Variants in ABRAXAS2 observed in about 807,000 individuals in gnomAD.
ABRAXAS2 encodes the protein abraxas 2, BRISC complex subunit.
A neutral mutation model predicts 49.0 loss-of-function variants in ABRAXAS2; 23 were observed. That is an observed-to-expected ratio of 0.47 (90% CI 0.34 to 0.66). The LOEUF (loss-of-function observed/expected upper bound fraction) is 0.66. Among genes scored for constraint, ABRAXAS2 ranks in the 30% least tolerant of loss-of-function variants. ABRAXAS2 has a pLI of 0.01. For missense variants in ABRAXAS2, 443 were observed against 511.9 expected (o/e 0.87, Z 1.30); for synonymous variants, 168 against 180.2 (o/e 0.93, Z 0.54).
chr10:124,815,725 C>T (rs1354641718), intron 2 of ABRAXAS2, among the ~76,000 whole-genome samples: 2 of 152,066 alleles, frequency 1.3e-5, no homozygotes, highest in African/African-American at 4.8e-5. Context: ...ACGATCTACC[C>T]TGTAATGATT....
At chr10:124,833,391 A>T (rs1383401404) in intron 8 of ABRAXAS2, among the ~76,000 whole-genome samples, 2 of 151,272 alleles carry the variant, frequency 1.3e-5, no homozygotes, top group African/African-American at 4.9e-5. Context: ...CCTGAGCCTG[A>T]CAGGTCAAGG....
chr10:124,831,166 G>T (rs1485940471), intron 7 of ABRAXAS2, among the ~76,000 whole-genome samples, 183 bp from the exon 8 acceptor site: 3 of 152,122 alleles, frequency 2.0e-5, no homozygotes, highest in Non-Finnish European at 4.4e-5. Flanking sequence ...TAAAATTAAA[G>T]CAAATCAGTG....
In ABRAXAS2 at chr10:124,819,470, C is replaced by T; in HGVS notation, c.267+20C>T. On this transcript the variant is annotated intron_variant, in intron 4 of 8. Coordinates refer to ENST00000298492, the MANE Select transcript of ABRAXAS2 (RefSeq NM_032182.4). ...AGAAAGGTATGTTCTGTTTGTTGCCCAGTATGATTCTGAAATCGTTCCTTA... is the reference window on the plus strand; with the variant it reads ...AGAAAGGTATGTTCTGTTTGTTGCCTAGTATGATTCTGAAATCGTTCCTTA... 1 of 1,606,480 alleles carries T rather than the reference C, an allele frequency of 6.2e-7. No homozygotes were observed. Among genetic ancestry groups the T allele is most frequent in the East Asian group, 2.2e-5 (1 of 44,812 alleles).
chr10:124,824,576 A>AG (rs2134168966), intron 4 of ABRAXAS2, among the ~76,000 whole-genome samples: 1 of 152,248 alleles, frequency 6.6e-6, no homozygotes, highest in South Asian at 2.1e-4. Context: ...AGGAAAAAAA[A>AG]TGAAATAAAA....
At position 124,813,810 on chromosome 10, in the gene ABRAXAS2, A is replaced by G. The variant is rs1044686090; in HGVS notation, c.164-2766A>G. Among the ~76,000 whole-genome samples the G allele has an allele frequency of 2.1e-4, 32 of 152,332 alleles. 1 individual carries two copies. The highest frequency in any genetic ancestry group is 1.6e-3 in the Admixed American group (24 of 15,294). Reference sequence around the variant, plus strand: ...AAATTTGAAAGAAACTGCTTTGGTAACAGTGCACATTCAGAGTTCAGAACT... The same window carrying G: ...AAATTTGAAAGAAACTGCTTTGGTAGCAGTGCACATTCAGAGTTCAGAACT... On this transcript the variant is annotated intron_variant, in intron 2 of 8. Coordinates refer to ENST00000298492, the MANE Select transcript of ABRAXAS2 (RefSeq NM_032182.4).
intron 2 of ABRAXAS2, among the ~76,000 whole-genome samples, chr10:124,809,377 C>T (rs985174899): frequency 1.3e-5 from 2 of 152,056 alleles, no homozygotes; most frequent in Non-Finnish European, 2.9e-5. Flanking sequence ...CTCCGCATCC[C>T]GGGTTCAAGC....
chr10:124,806,988 G>T, intron 2 of ABRAXAS2, 67 bp downstream of exon 2: 1 of 1,252,040 alleles, frequency 8.0e-7, no homozygotes, highest in Non-Finnish European at 1.2e-6. Context: ...TTGTTTTGTT[G>T]TTTTGCCCTT....
intron 8 of ABRAXAS2, among the ~76,000 whole-genome samples, 183 bp downstream of exon 8, chr10:124,831,646 C>T (rs986634413): frequency 6.6e-6 from 1 of 151,976 alleles, no homozygotes; most frequent in African/African-American, 2.4e-5. Flanking sequence ...TCATAGTAGC[C>T]CCCTCAATTC....
Position 124,829,390 on chromosome 10 carries a change from C to T in ABRAXAS2, c.579-3C>T. On this transcript the variant is annotated splice_polypyrimidine_tract_variant and splice_region_variant and intron_variant, in intron 6 of 8. Coordinates refer to ENST00000298492, the MANE Select transcript of ABRAXAS2 (RefSeq NM_032182.4). ...AGGCATCTTTTTTCTGTTTGTCTTC[C>T]AGTACTGACTTTTTTGACAAGGATG... 3.1e-6 allele frequency: 5 copies of T among 1,600,824 alleles called. No individual in the cohort carries two copies. Among genetic ancestry groups the T allele is most frequent in the Non-Finnish European group, 4.3e-6 (5 of 1,170,610 alleles).
In ABRAXAS2 at chr10:124,829,460, C is replaced by G. The variant is rs576780341; in HGVS notation, c.646C>G (p.Leu216Val). The change falls in exon 7 of 9, where the codon CTT (leucine) becomes GTT (valine). Residue 216 changes from leucine (L) to valine (V), a missense_variant. Physicochemically the swap from Leu to Val is conservative, Grantham distance 32. Around this residue, in one of 3 missense-constraint regions of ABRAXAS2, gnomAD observed 166 missense variants for 247.3 expected, o/e 0.67. Transcript: ENST00000298492. ...GGCGATTTATCAGGTTTATAATGCACTTCAGGAGAAAGTTCAGGTAACTGA... is the reference window on the plus strand; with the variant it reads ...GGCGATTTATCAGGTTTATAATGCAGTTCAGGAGAAAGTTCAGGTAACTGA... ...IRAIYQVYNALQEKVQAVCAD... is the reference protein window; with the variant it reads ...IRAIYQVYNAVQEKVQAVCAD... 1.9e-6 allele frequency: 3 copies of G among 1,605,830 alleles called. No homozygotes were observed. The highest frequency in any genetic ancestry group is 2.2e-5 in the East Asian group (1 of 44,740).
rs748216897 is a variant in ABRAXAS2 at position 124,801,911 on chromosome 10, G to A, written c.72+10G>A. On this transcript the variant is annotated intron_variant, in intron 1 of 8. Transcript: ENST00000298492. Reference sequence around the variant, plus strand: ...CAGCAACGCGGACCACGTAGGTGCCGGGCCCCCTGCCGCGCCCGCTGGGGG... The same window carrying A: ...CAGCAACGCGGACCACGTAGGTGCCAGGCCCCCTGCCGCGCCCGCTGGGGG... The A allele has an allele frequency of 6.2e-7, 1 of 1,611,496 alleles. No individual in the cohort carries two copies. Among genetic ancestry groups the A allele is most frequent in the South Asian group, 1.1e-5 (1 of 90,990 alleles).
At chr10:124,822,557 C>T (rs1299346334) in intron 4 of ABRAXAS2, among the ~76,000 whole-genome samples, 1 of 151,848 alleles carries the variant, frequency 6.6e-6, no homozygotes. Context: ...CTTTGGGAGG[C>T]CGAGGCAGAT....
chr10:124,810,828 G>A (rs762874578), intron 2 of ABRAXAS2, among the ~76,000 whole-genome samples: 2 of 151,332 alleles, frequency 1.3e-5, no homozygotes, highest in African/African-American at 2.4e-5. Flanking sequence ...TGATCCATCC[G>A]CCTTGGCCTC....
At chr10:124,813,106 T>A (rs994505724) in intron 2 of ABRAXAS2, among the ~76,000 whole-genome samples, 8 of 152,112 alleles carry the variant, frequency 5.3e-5, no homozygotes, top group African/African-American at 1.9e-4. Context: ...GAGGCTGAAG[T>A]ACGAGAATCG....
chr10:124,835,647 C>G lies in ABRAXAS2; in HGVS notation c.*676C>G, dbSNP rs1950964684. On this transcript the variant is annotated 3_prime_UTR_variant, in exon 9 of 9. Coordinates refer to ENST00000298492, the MANE Select transcript of ABRAXAS2 (RefSeq NM_032182.4). ...TAAGTAATCATCCAAATAAATACGT[C>G]ATAAAATAAATTAATTATTTTTTCT... The G allele has an allele frequency of 6.6e-6, 1 of 152,070 alleles. No individual in the cohort carries two copies. Among genetic ancestry groups the G allele is most frequent in the Non-Finnish European group, 1.5e-5 (1 of 67,988 alleles). 9.4% of individuals were successfully genotyped at this position (152,070 alleles called of 1,614,324 possible).
chr10:124,807,514 G>A (rs908361905), intron 2 of ABRAXAS2, among the ~76,000 whole-genome samples: 14 of 144,348 alleles, frequency 9.7e-5, no homozygotes, highest in South Asian at 6.8e-4. Context: ...TTAGCCGGGC[G>A]TGGTGGCGGG....
At chr10:124,821,744 C>T (rs1950862659) in intron 4 of ABRAXAS2, among the ~76,000 whole-genome samples, 1 of 152,126 alleles carries the variant, frequency 6.6e-6, no homozygotes, top group Non-Finnish European at 1.5e-5. Context: ...AATGGGGAAG[C>T]AGTAGTTGGT....
chr10:124,825,275 G>A (rs1167868476), intron 4 of ABRAXAS2, among the ~76,000 whole-genome samples: 2 of 137,078 alleles, frequency 1.5e-5, no homozygotes, highest in Non-Finnish European at 3.0e-5. Context: ...CCGAGATCAT[G>A]CCACTGCACT....
At chr10:124,817,031 A>G (rs1311818634) in intron 3 of ABRAXAS2, among the ~76,000 whole-genome samples, 1 of 152,156 alleles carries the variant, frequency 6.6e-6, no homozygotes, top group Non-Finnish European at 1.5e-5. Flanking sequence ...ATGTGGCAAG[A>G]CTCCAGAAAT....
Sources: gnomAD v4.1 joint callset for allele counts (sites outside exome capture counted in the v4.1 genomes callset) on GRCh38, gnomAD v4.1.1 for gene constraint, gnomAD v4.1.1 regional missense constraint, MANE v1.5 for transcripts, NCBI Gene and HGNC (gene_info 2026-07-23, HGNC 2026-07-21) for gene names.